MYO5B: variants seen among roughly 807,000 people sequenced by gnomAD.
The protein encoded by MYO5B is myosin VB.
MYO5B carries 143 observed loss-of-function variants against 229.3 expected under a neutral mutation model. The observed-to-expected ratio is 0.62, with a 90% confidence interval of 0.54 to 0.72. The LOEUF is 0.72. Among genes scored for constraint, MYO5B ranks in the 30% least tolerant of loss-of-function variants. MYO5B has a pLI of 0.00. For synonymous variants in MYO5B, 918 were observed against 885.2 expected (o/e 1.04, Z -0.66); for missense variants, 2,321 against 2,331.0 (o/e 1.00, Z 0.09).
intron 1 of MYO5B, among the ~76,000 whole-genome samples, chr18:50,104,612 A>C (rs1044742694): frequency 3.1e-4 from 47 of 152,196 alleles, no homozygotes; most frequent in Non-Finnish European, 5.4e-4. Context: ...GGTTTCCCAC[A>C]ACTATGTAAC....
At chr18:50,034,572 C>T (rs7233446) in intron 4 of MYO5B, among the ~76,000 whole-genome samples, 67,175 of 151,978 alleles carry the variant, frequency 0.44, 15,361 homozygotes, top group East Asian at 0.63. Context: ...GGTGAAACCC[C>T]GTCCCTACTA....
At chr18:50,111,791 A>T (rs2031869516) in intron 1 of MYO5B, among the ~76,000 whole-genome samples, 1 of 152,248 alleles carries the variant, frequency 6.6e-6, no homozygotes, top group African/African-American at 2.4e-5. Flanking sequence ...TCTAAGTCTT[A>T]GCCCTTTCAT....
chr18:50,111,528 G>A (rs1470009666), intron 1 of MYO5B, among the ~76,000 whole-genome samples: 1 of 152,122 alleles, frequency 6.6e-6, no homozygotes, highest in East Asian at 1.9e-4. Context: ...CATGTTCCTT[G>A]GGTAAATTTA....
At chr18:50,034,808 G>A (rs533142788) in intron 4 of MYO5B, among the ~76,000 whole-genome samples, 2 of 152,272 alleles carry the variant, frequency 1.3e-5, no homozygotes, top group African/African-American at 4.8e-5. Flanking sequence ...GTGGCCACAT[G>A]TGCTGGTCTT....
intron 39 of MYO5B, among the ~76,000 whole-genome samples, chr18:49,828,341 G>C (rs2023871316): frequency 6.6e-6 from 1 of 152,184 alleles, no homozygotes; most frequent in South Asian, 2.1e-4. Context: ...GTCATTTCCA[G>C]AGACAAAGAA....
At chr18:49,956,922 G>A (rs2025498741) in intron 12 of MYO5B, among the ~76,000 whole-genome samples, 1 of 152,074 alleles carries the variant, frequency 6.6e-6, no homozygotes, top group Non-Finnish European at 1.5e-5. Context: ...CTGGAGGGGG[G>A]CAATGGAGAA....
chr18:50,082,298 T>C (rs185169538), intron 1 of MYO5B, among the ~76,000 whole-genome samples: 257 of 152,346 alleles, frequency 1.7e-3, no homozygotes, highest in African/African-American at 5.7e-3. Flanking sequence ...CTCAGCCTTA[T>C]ACTATGAATA....
intron 21 of MYO5B, among the ~76,000 whole-genome samples, chr18:49,900,443 C>A (rs1342175629): frequency 2.0e-5 from 3 of 152,178 alleles, no homozygotes; most frequent in African/African-American, 7.2e-5. Context: ...AACAAGGCAC[C>A]CTGTAGAACT....
At chr18:50,001,232 C>T in intron 5 of MYO5B, 23 bp downstream of exon 5, 2 of 1,614,066 alleles carry the variant, frequency 1.2e-6, no homozygotes, top group Non-Finnish European at 8.5e-7. Flanking sequence ...GCCAGGAAGG[C>T]CAGGACACCT....
chr18:50,091,989 G>T (rs2031457789), intron 1 of MYO5B, among the ~76,000 whole-genome samples: 1 of 152,178 alleles, frequency 6.6e-6, no homozygotes, highest in African/African-American at 2.4e-5. Flanking sequence ...GCTTTCACTA[G>T]AATTATGGCC....
chr18:49,829,164 C>T (rs1018140139), intron 39 of MYO5B, among the ~76,000 whole-genome samples: 18 of 151,148 alleles, frequency 1.2e-4, no homozygotes, highest in African/African-American at 3.2e-4. Context: ...TCACAATCTC[C>T]GCCTCCCAGG....
At chr18:50,159,436 G>C (rs1238068294) in intron 1 of MYO5B, among the ~76,000 whole-genome samples, 1 of 152,076 alleles carries the variant, frequency 6.6e-6, no homozygotes, top group Middle Eastern at 3.2e-3. Flanking sequence ...ATCTTTCCCA[G>C]GCTGGGCCTA....
chr18:49,960,866 G>A (rs764083745), intron 12 of MYO5B, among the ~76,000 whole-genome samples: 3 of 152,274 alleles, frequency 2.0e-5, no homozygotes, highest in East Asian at 1.9e-4. Context: ...AACTGTATAC[G>A]ACCTTCACCT....
At chr18:50,130,362 T>C (rs571456638) in intron 1 of MYO5B, among the ~76,000 whole-genome samples, 126 of 152,330 alleles carry the variant, frequency 8.3e-4, no homozygotes, top group African/African-American at 2.6e-3. Context: ...AGTTGCCCTG[T>C]AGAATTTGAC....
intron 1 of MYO5B, among the ~76,000 whole-genome samples, chr18:50,116,060 GT>G (rs1305221356): frequency 6.6e-6 from 1 of 152,100 alleles, no homozygotes; most frequent in Admixed American, 6.5e-5. Flanking sequence ...AACCAAAATG[GT>G]TTTCCTAAAA....
chr18:49,872,631 G>T (rs1023090111), intron 26 of MYO5B, among the ~76,000 whole-genome samples: 1 of 152,156 alleles, frequency 6.6e-6, no homozygotes, highest in Non-Finnish European at 1.5e-5. Context: ...GGGGTCATTT[G>T]GGTGGACACT....
intron 16 of MYO5B, among the ~76,000 whole-genome samples, chr18:49,929,851 C>T (rs2025170586): frequency 6.6e-6 from 1 of 152,104 alleles, no homozygotes; most frequent in Non-Finnish European, 1.5e-5. Flanking sequence ...CTCATTATCA[C>T]CTGGGATACC....
chr18:50,026,325 G>A (rs1223086872), intron 4 of MYO5B, among the ~76,000 whole-genome samples: 1 of 151,712 alleles, frequency 6.6e-6, no homozygotes, highest in Non-Finnish European at 1.5e-5. Flanking sequence ...TAAAAGGGCA[G>A]TAAAGTCCAC....
chr18:50,044,853 G>A (rs1037587401), intron 2 of MYO5B, among the ~76,000 whole-genome samples: 1 of 151,912 alleles, frequency 6.6e-6, no homozygotes, highest in Admixed American at 6.6e-5. Flanking sequence ...TGTCCAGGGG[G>A]GTTTGGGAGC....
Sources: allele counts gnomAD v4.1 joint callset (sites outside exome capture counted in the v4.1 genomes callset), GRCh38; gene constraint gnomAD v4.1.1; transcripts MANE v1.5; gene names NCBI Gene and HGNC (gene_info 2026-07-23, HGNC 2026-07-21).